Variants in CAAP1 observed in about 807,000 individuals in gnomAD.
CAAP1 encodes the protein caspase activity and apoptosis inhibitor 1.
In CAAP1, 20 loss-of-function variants were observed where a neutral mutation model predicts 34.0. The ratio of observed to expected loss-of-function variants is 0.59; its 90% confidence interval spans 0.41 to 0.86. The LOEUF is 0.86. Among genes scored for constraint, CAAP1 ranks in the 40% least tolerant of loss-of-function variants. The probability of loss-of-function intolerance (pLI) is 0.00; values close to 1 mark genes in which losing one functional copy is unlikely to be tolerated. For missense variants in CAAP1, 538 were observed against 450.5 expected (o/e 1.19, Z -1.76); for synonymous variants, 213 against 166.7 (o/e 1.28, Z -2.14).
intron 1 of CAAP1, among the ~76,000 whole-genome samples, chr9:26,888,625 T>G (rs1056337026): frequency 2.0e-5 from 3 of 152,226 alleles, no homozygotes; most frequent in Non-Finnish European, 4.4e-5. Flanking sequence ...AATGTAATAA[T>G]GTAGAGAAAC....
chr9:26,891,189 G>C (rs968393730), intron 1 of CAAP1, among the ~76,000 whole-genome samples: 1 of 152,138 alleles, frequency 6.6e-6, no homozygotes, highest in Admixed American at 6.5e-5. Context: ...CTACCAAAGA[G>C]AATAATGAGC....
At chr9:26,856,720 T>A (rs1175475849) in intron 5 of CAAP1, among the ~76,000 whole-genome samples, 1 of 152,068 alleles carries the variant, frequency 6.6e-6, no homozygotes, top group Non-Finnish European at 1.5e-5. Context: ...ATTGGTTCTA[T>A]TTTTTTTCTC....
Position 26,851,723 on chromosome 9 carries a change from G to A in CAAP1, c.740-9076C>T, listed in dbSNP as rs1822757143. Among the ~76,000 whole-genome samples, 4 of 152,170 alleles carry A rather than the reference G, an allele frequency of 2.6e-5. No individual in the cohort carries two copies. The South Asian group carries it at 8.3e-4, about 32-fold the overall frequency. ...AGAATAAAAGTTTGATATCAAAAAT[G>A]AAAATACCCAAAAGGGAAAAATGAA... is the stretch of plus-strand genomic sequence containing the variant. On this transcript the variant is annotated intron_variant, in intron 5 of 5. Transcript: ENST00000333916.
intron 4 of CAAP1, among the ~76,000 whole-genome samples, chr9:26,863,781 A>T (rs2131313362): frequency 6.6e-6 from 1 of 151,728 alleles, no homozygotes; most frequent in African/African-American, 2.4e-5. Context: ...TTAAAAAAAA[A>T]AAAAAAAAAA....
At chr9:26,874,040 T>C (rs1823354068) in intron 4 of CAAP1, among the ~76,000 whole-genome samples, 1 of 151,756 alleles carries the variant, frequency 6.6e-6, no homozygotes, top group African/African-American at 2.4e-5. Flanking sequence ...ACCCCATCTC[T>C]ACTAAAAATA....
At chr9:26,879,929 C>T (rs1388402012) in intron 4 of CAAP1, among the ~76,000 whole-genome samples, 1 of 152,194 alleles carries the variant, frequency 6.6e-6, no homozygotes, top group South Asian at 2.1e-4. Flanking sequence ...TATTGTGGGA[C>T]TTTACCTTGT....
At chr9:26,863,714 C>T (rs1019772096) in intron 4 of CAAP1, among the ~76,000 whole-genome samples, 8 of 148,332 alleles carry the variant, frequency 5.4e-5, no homozygotes, top group African/African-American at 1.2e-4. Flanking sequence ...AACACACTGC[C>T]AAAGCCAGTT....
chr9:26,846,277 C>T (rs1319342186), intron 5 of CAAP1, among the ~76,000 whole-genome samples: 4 of 151,636 alleles, frequency 2.6e-5, no homozygotes, highest in South Asian at 2.1e-4. Context: ...ATTAGCCGAG[C>T]GTGGTGGCGG....
chr9:26,871,614 A>T (rs1156572964), intron 4 of CAAP1, among the ~76,000 whole-genome samples: 1 of 150,174 alleles, frequency 6.7e-6, no homozygotes, highest in Non-Finnish European at 1.5e-5. Flanking sequence ...TAGCTGTGTT[A>T]TAATAGCTCA....
intron 5 of CAAP1, among the ~76,000 whole-genome samples, chr9:26,854,431 A>C (rs1822822086): frequency 6.6e-6 from 1 of 152,212 alleles, no homozygotes; most frequent in African/African-American, 2.4e-5. Context: ...CCCAGAACTT[A>C]ACAGATTCAA....
chr9:26,871,381 G>A (rs1445879541), intron 4 of CAAP1, among the ~76,000 whole-genome samples: 1 of 151,854 alleles, frequency 6.6e-6, no homozygotes, highest in Non-Finnish European at 1.5e-5. Flanking sequence ...AGTTAGAGAC[G>A]AGCCTGGCCA....
intron 4 of CAAP1, among the ~76,000 whole-genome samples, chr9:26,862,985 A>T (rs1230723344): frequency 1.3e-5 from 2 of 152,124 alleles, no homozygotes; most frequent in Non-Finnish European, 2.9e-5. Flanking sequence ...ATAATAAGTA[A>T]ATCTTGATAA....
intron 4 of CAAP1, among the ~76,000 whole-genome samples, chr9:26,863,140 C>A (rs1823043836): frequency 1.3e-5 from 2 of 152,110 alleles, no homozygotes; most frequent in African/African-American, 4.8e-5. Flanking sequence ...AAAAATTGGA[C>A]CCCTCTATAA....
intron 5 of CAAP1, among the ~76,000 whole-genome samples, chr9:26,858,149 T>C (rs947450153): frequency 6.6e-6 from 1 of 152,224 alleles, no homozygotes; most frequent in Non-Finnish European, 1.5e-5. Flanking sequence ...AAAATGACAA[T>C]GCATTCACAA....
intron 5 of CAAP1, among the ~76,000 whole-genome samples, chr9:26,858,080 A>C (rs1466076486): frequency 6.6e-6 from 1 of 152,236 alleles, no homozygotes; most frequent in Non-Finnish European, 1.5e-5. Flanking sequence ...TCTACTGAAC[A>C]AAAGGTTACT....
At chr9:26,850,099 G>C (rs1300957273) in intron 5 of CAAP1, among the ~76,000 whole-genome samples, 1 of 152,190 alleles carries the variant, frequency 6.6e-6, no homozygotes, top group Non-Finnish European at 1.5e-5. Context: ...GCCTCCCAAA[G>C]TGTTGGGATT....
chr9:26,859,762 G>A (rs926257860), intron 5 of CAAP1, among the ~76,000 whole-genome samples: 1 of 152,138 alleles, frequency 6.6e-6, no homozygotes, highest in Admixed American at 6.5e-5. Context: ...GTACAAAGAC[G>A]TAATTTTGTC....
At chr9:26,880,407 G>T in intron 4 of CAAP1, 1 of 280,466 alleles carries the variant, frequency 3.6e-6, no homozygotes, top group Non-Finnish European at 7.3e-6. Context: ...TTCATGGAGT[G>T]CCACAGTACC....
intron 5 of CAAP1, among the ~76,000 whole-genome samples, chr9:26,845,286 G>A (rs1050836420): frequency 6.6e-6 from 1 of 152,138 alleles, no homozygotes; most frequent in Non-Finnish European, 1.5e-5. Context: ...GTTCATGTTG[G>A]ACTTCATGAG....
Sources: gnomAD v4.1 joint callset for allele counts (sites outside exome capture counted in the v4.1 genomes callset) on GRCh38, gnomAD v4.1.1 for gene constraint, MANE v1.5 for transcripts, NCBI Gene and HGNC (gene_info 2026-07-23, HGNC 2026-07-21) for gene names.